The following BBS9 variants were observed in gnomAD, a reference collection of about 807,000 sequenced individuals.
BBS9 encodes the protein Bardet-Biedl syndrome 9.
A neutral mutation model predicts 117.7 loss-of-function variants in BBS9; 89 were observed. The observed-to-expected ratio is 0.76, with a 90% CI of 0.64 to 0.90. The LOEUF (loss-of-function observed/expected upper bound fraction) is 0.90. Among genes scored for constraint, BBS9 ranks in the 40% least tolerant of loss-of-function variants. The pLI, the probability that BBS9 is intolerant of heterozygous loss-of-function variation, is 0.00. For missense variants in BBS9, 982 were observed against 1,042.2 expected, an observed-to-expected ratio of 0.94 and a Z score of 0.80; for synonymous variants, 379 against 370.9, an observed-to-expected ratio of 1.02 and a Z score of -0.25.
chr7:33,256,455 C>T (rs1180363448), intron 5 of BBS9, among the ~76,000 whole-genome samples: 3 of 151,804 alleles, frequency 2.0e-5, no homozygotes, highest in Non-Finnish European at 4.4e-5. Context: ...CAGTAATAAG[C>T]ACTCCAAAAC....
rs77310325 is a variant in BBS9 at position 33,285,427 on chromosome 7, T to C, written c.1016+11471T>C. Among the ~76,000 whole-genome samples, 1,233 of 152,274 alleles carry C rather than the reference T, an allele frequency of 8.1e-3. 20 individuals are homozygous for C. Among genetic ancestry groups the C allele is most frequent in the African/African-American group, 0.028 (1,178 of 41,558 alleles). On this transcript the variant is annotated intron_variant, in intron 9 of 22. Coordinates refer to ENST00000242067, the MANE Select transcript of BBS9 (RefSeq NM_198428.3). Reference sequence around the variant, plus strand: ...AGGAACAGAATTATGTCATAGTTCGTATATTTTTTCTTCCTCTTACTATTG... The same window carrying C: ...AGGAACAGAATTATGTCATAGTTCGCATATTTTTTCTTCCTCTTACTATTG...
intron 19 of BBS9, among the ~76,000 whole-genome samples, chr7:33,488,445 A>G (rs760483267): frequency 1.1e-4 from 16 of 152,198 alleles, no homozygotes; most frequent in Non-Finnish European, 1.9e-4. Flanking sequence ...AGTGTAGGTA[A>G]TATCCTTAAA....
At chr7:33,322,647 G>A (rs563201752) in intron 9 of BBS9, among the ~76,000 whole-genome samples, 9 of 151,760 alleles carry the variant, frequency 5.9e-5, no homozygotes, top group Admixed American at 1.3e-4. Context: ...TTAGTCTGGC[G>A]AAAGGTTTGT....
intron 9 of BBS9, among the ~76,000 whole-genome samples, chr7:33,280,386 G>A (rs1562930152): frequency 6.6e-6 from 1 of 150,822 alleles, no homozygotes; most frequent in Non-Finnish European, 1.5e-5. Flanking sequence ...GTCCATGTGT[G>A]CTCAATAATA....
chr7:33,611,817 ATATATAATATTAT>A (rs537690396), intron 21 of BBS9, among the ~76,000 whole-genome samples: 1,733 of 141,132 alleles, frequency 0.012, 36 homozygotes, highest in African/African-American at 0.042. Context: ...CTTAAACCTT[ATATATAATATTAT>A]TATATAATAT....
chr7:33,396,212 G>C (rs1827932356), intron 19 of BBS9, among the ~76,000 whole-genome samples: 1 of 152,030 alleles, frequency 6.6e-6, no homozygotes, highest in Non-Finnish European at 1.5e-5. Context: ...CATTCATCAA[G>C]GTATTCATTT....
intron 9 of BBS9, among the ~76,000 whole-genome samples, chr7:33,330,083 G>A (rs1018634908): frequency 2.6e-5 from 4 of 151,414 alleles, no homozygotes; most frequent in Non-Finnish European, 4.4e-5. Context: ...GCATGATCTC[G>A]GCTCACTGCA....
chr7:33,140,605 C>A lies in BBS9; in HGVS notation c.-11-5637C>A, dbSNP rs565219891. Among the ~76,000 whole-genome samples, 100 of 152,236 alleles carry A rather than the reference C, an allele frequency of 6.6e-4. 1 individual carries two copies. The South Asian group carries it at 0.019, about 29-fold the overall frequency. ...CATAGTCCAGTAATATGGCATATTA[C>A]AATTCTCCTAGGTACTTGGCATATA... On this transcript the variant is annotated intron_variant, in intron 1 of 22. Coordinates refer to ENST00000242067, the MANE Select transcript of BBS9 (RefSeq NM_198428.3).
At chr7:33,266,883 T>C (rs1188238283) in intron 7 of BBS9, among the ~76,000 whole-genome samples, 2 of 151,942 alleles carry the variant, frequency 1.3e-5, no homozygotes, top group Non-Finnish European at 2.9e-5. Context: ...GCTGGGACTA[T>C]AGGCATGTAT....
chr7:33,510,220 G>T (rs564434118), intron 20 of BBS9, among the ~76,000 whole-genome samples: 2 of 152,154 alleles, frequency 1.3e-5, no homozygotes, highest in East Asian at 3.9e-4. Flanking sequence ...AAAATAAATT[G>T]TTTTCATATC....
At chr7:33,349,599 T>G (rs979670758) in intron 13 of BBS9, among the ~76,000 whole-genome samples, 15 of 152,054 alleles carry the variant, frequency 9.9e-5, no homozygotes, top group Non-Finnish European at 1.6e-4. Flanking sequence ...CTGACTAATT[T>G]TTTGTATTTT....
At chr7:33,304,767 G>A (rs1807516729) in intron 9 of BBS9, among the ~76,000 whole-genome samples, 1 of 152,162 alleles carries the variant, frequency 6.6e-6, no homozygotes, top group African/African-American at 2.4e-5. Flanking sequence ...AGACATAGGA[G>A]ACTCCATTTT....
At position 33,294,335 on chromosome 7, in the gene BBS9, A is replaced by C. The variant is rs867033370; in HGVS notation, c.1016+20379A>C. Among the ~76,000 whole-genome samples the C allele has an allele frequency of 1.5e-3, 199 of 129,232 alleles. 1 individual carries two copies. The highest frequency in any genetic ancestry group is 5.7e-3 in the African/African-American group (187 of 32,986). The allele number at this position is 129,232 out of a possible 152,430, so 84.8% of individuals were successfully genotyped here. ...TATCTATCTATCTATCTATCTATCT[A>C]TCTATCTATCTATCTATCTCTTTGT... On this transcript the variant is annotated intron_variant, in intron 9 of 22. Transcript: ENST00000242067.
chr7:33,265,377 A>G (rs1798639555), intron 7 of BBS9, among the ~76,000 whole-genome samples: 1 of 152,196 alleles, frequency 6.6e-6, no homozygotes. Context: ...GAATAAAAAT[A>G]TGATATAGTT....
At chr7:33,552,110 ATTT>A (rs1223409815) in intron 21 of BBS9, among the ~76,000 whole-genome samples, 1 of 152,028 alleles carries the variant, frequency 6.6e-6, no homozygotes, top group Non-Finnish European at 1.5e-5. Flanking sequence ...ACATAAAAGA[ATTT>A]TCATATTATT....
chr7:33,496,231 C>T (rs750863341), intron 19 of BBS9, among the ~76,000 whole-genome samples: 15 of 152,212 alleles, frequency 9.9e-5, no homozygotes, highest in African/African-American at 2.4e-4. Flanking sequence ...CTGGGCCAGG[C>T]GTGGTGGCTC....
At chr7:33,535,796 C>CA (rs1425447507) in intron 21 of BBS9, among the ~76,000 whole-genome samples, 3 of 151,682 alleles carry the variant, frequency 2.0e-5, no homozygotes, top group African/African-American at 7.3e-5. Context: ...ATTAATTTTA[C>CA]AAAAAAGAGA....
At position 33,505,446 on chromosome 7, in the gene BBS9, G is replaced by A. The variant is rs919131208; in HGVS notation, c.2116-17G>A. ...AATTGTGAAATTATCCCTAACCGAA[G>A]TTTGTAATATCTGCAGGTAATTGCT... On this transcript the variant is annotated splice_polypyrimidine_tract_variant and intron_variant, in intron 19 of 22. Transcript: ENST00000242067. 6.2e-7 allele frequency: 1 copy of A among 1,613,922 alleles called. No individual in the cohort carries two copies. The highest frequency in any genetic ancestry group is 8.5e-7 in the Non-Finnish European group (1 of 1,179,822).
chr7:33,196,688 A>G (rs1000128185), intron 5 of BBS9, among the ~76,000 whole-genome samples: 2 of 152,130 alleles, frequency 1.3e-5, no homozygotes, highest in Non-Finnish European at 2.9e-5. Flanking sequence ...GTGTTTTATT[A>G]TATTGGAGAA....
Sources: allele counts gnomAD v4.1 joint callset (sites outside exome capture counted in the v4.1 genomes callset), GRCh38; gene constraint gnomAD v4.1.1; transcripts MANE v1.5; gene names NCBI Gene and HGNC (gene_info 2026-07-23, HGNC 2026-07-21).